The following GABRB1 variants were observed in gnomAD, a reference collection of about 807,000 sequenced individuals.
GABRB1 encodes the protein gamma-aminobutyric acid receptor subunit beta-1.
In GABRB1, 17 loss-of-function variants were observed where a neutral mutation model predicts 51.6. The ratio of observed to expected loss-of-function variants is 0.33; its 90% CI spans 0.23 to 0.49. The LOEUF (loss-of-function observed/expected upper bound fraction) is 0.49, where lower values mean the gene tolerates loss of function less well. Among genes scored for constraint, GABRB1 ranks in the 20% least tolerant of loss-of-function variants. The pLI, the probability that GABRB1 is intolerant of heterozygous loss-of-function variation, is 0.99. For missense variants in GABRB1, 410 were observed against 600.6 expected (o/e 0.68, Z 3.32); for synonymous variants, 247 against 218.9 (o/e 1.13, Z -1.14).
intron 4 of GABRB1, among the ~76,000 whole-genome samples, chr4:47,211,226 C>A (rs571985261): frequency 3.3e-4 from 51 of 152,262 alleles, no homozygotes; most frequent in African/African-American, 1.2e-3. Context: ...TATCTACTCA[C>A]TGTAGCTTAG....
At chr4:47,410,170 T>A (rs1026129566) in intron 8 of GABRB1, among the ~76,000 whole-genome samples, 4 of 152,358 alleles carry the variant, frequency 2.6e-5, no homozygotes, top group Middle Eastern at 3.4e-3. Flanking sequence ...GAGATTTTTT[T>A]AAAATATGTT....
intron 5 of GABRB1, among the ~76,000 whole-genome samples, chr4:47,391,919 C>T (rs888825617): frequency 1.8e-4 from 27 of 151,944 alleles, no homozygotes; most frequent in African/African-American, 6.5e-4. Flanking sequence ...ATAGAGAAGA[C>T]AAAGGGTAGA....
At chr4:47,282,045 C>T (rs946316206) in intron 4 of GABRB1, among the ~76,000 whole-genome samples, 1 of 150,506 alleles carries the variant, frequency 6.6e-6, no homozygotes, top group Non-Finnish European at 1.5e-5. Flanking sequence ...TTAATGTTCT[C>T]ATCATTAAAA....
At chr4:47,169,945 T>C (rs1718369165) in intron 4 of GABRB1, among the ~76,000 whole-genome samples, 1 of 152,166 alleles carries the variant, frequency 6.6e-6, no homozygotes, top group Non-Finnish European at 1.5e-5. Flanking sequence ...ATTATAGAAA[T>C]GAAACTAACT....
chr4:47,039,391 T>C lies in GABRB1; in HGVS notation c.240+6907T>C, dbSNP rs572772241. 5.4e-5 allele frequency among the ~76,000 whole-genome samples: 8 copies of C among 148,054 alleles called. No individual in the cohort carries two copies. The South Asian group carries it at 1.5e-3, about 28-fold the overall frequency. On this transcript the variant is annotated intron_variant, in intron 3 of 8. Transcript: ENST00000295454. ...AAAAAAAAAACCAGGCAACTAGATA[T>C]GGTCTCTGTTCTTGTAGAGCTTATA... is the stretch of plus-strand genomic sequence containing the variant.
intron 4 of GABRB1, among the ~76,000 whole-genome samples, chr4:47,247,741 T>C (rs988835410): frequency 6.6e-6 from 1 of 152,058 alleles, no homozygotes; most frequent in Non-Finnish European, 1.5e-5. Flanking sequence ...GACTCCTTGG[T>C]TAGGTATATT....
chr4:47,269,356 G>A (rs1331017689), intron 4 of GABRB1, among the ~76,000 whole-genome samples: 1 of 152,156 alleles, frequency 6.6e-6, no homozygotes, highest in Non-Finnish European at 1.5e-5. Context: ...CATTGCATTA[G>A]TGCAGAACAG....
At chr4:47,296,552 G>A (rs1208155151) in intron 4 of GABRB1, among the ~76,000 whole-genome samples, 1 of 152,160 alleles carries the variant, frequency 6.6e-6, no homozygotes, top group African/African-American at 2.4e-5. Context: ...TCAACAAGAA[G>A]AGCTAACTAT....
At chr4:47,414,021 T>G (rs904495645) in intron 8 of GABRB1, among the ~76,000 whole-genome samples, 6 of 152,208 alleles carry the variant, frequency 3.9e-5, no homozygotes, top group African/African-American at 1.4e-4. Context: ...TGGAACTTTT[T>G]CAGTTATATA....
intron 4 of GABRB1, among the ~76,000 whole-genome samples, chr4:47,315,319 A>G (rs1724845354): frequency 6.6e-6 from 1 of 152,002 alleles, no homozygotes; most frequent in Non-Finnish European, 1.5e-5. Context: ...TGCATATAAA[A>G]CCACAATGTG....
intron 4 of GABRB1, among the ~76,000 whole-genome samples, chr4:47,310,341 G>A (rs918310464): frequency 3.9e-5 from 6 of 152,138 alleles, no homozygotes; most frequent in Non-Finnish European, 2.9e-5. Context: ...TGAATATGTA[G>A]CTGGATGTTT....
chr4:47,117,850 T>C lies in GABRB1; in HGVS notation c.241-43399T>C, dbSNP rs181450058. Among the ~76,000 whole-genome samples the C allele has an allele frequency of 4.3e-4, 66 of 152,316 alleles. No homozygotes were observed. The East Asian group carries it at 7.7e-3, about 18-fold the overall frequency. ...AATGTACATAGGATTGTTGCGATAATTAAAGACATTTTAAATAAAGTGTCT... is the reference window on the plus strand; with the variant it reads ...AATGTACATAGGATTGTTGCGATAACTAAAGACATTTTAAATAAAGTGTCT... On this transcript the variant is annotated intron_variant, in intron 3 of 8. Coordinates refer to ENST00000295454, the MANE Select transcript of GABRB1 (RefSeq NM_000812.4).
chr4:47,345,686 G>A (rs182506148), intron 5 of GABRB1, among the ~76,000 whole-genome samples: 1 of 152,260 alleles, frequency 6.6e-6, no homozygotes, highest in Non-Finnish European at 1.5e-5. Context: ...AATCCAAAAT[G>A]CTCTAAAATC....
In GABRB1 at chr4:47,354,672, G is replaced by A. The variant is rs149994001; in HGVS notation, c.544+34463G>A. 2.4e-4 allele frequency among the ~76,000 whole-genome samples: 36 copies of A among 152,128 alleles called. No individual in the cohort carries two copies. In the East Asian group the frequency reaches 6.2e-3, roughly 26 times the overall value. On this transcript the variant is annotated intron_variant, in intron 5 of 8. Transcript: ENST00000295454. ...TGTTATTAAGGTGGATCCTTCCCCC[G>A]TAGCTTCCTGAAAGTGGCTGCAGAG...
At chr4:47,128,058 G>C (rs930542694) in intron 3 of GABRB1, among the ~76,000 whole-genome samples, 7 of 151,652 alleles carry the variant, frequency 4.6e-5, no homozygotes, top group Admixed American at 2.0e-4. Context: ...ATATTCCAGT[G>C]AAAAGGCAGA....
intron 3 of GABRB1, among the ~76,000 whole-genome samples, chr4:47,086,398 C>T (rs1223724446): frequency 6.6e-6 from 1 of 151,882 alleles, no homozygotes; most frequent in South Asian, 2.1e-4. Flanking sequence ...AAAATCAACC[C>T]CCCTTTAAAA....
chr4:47,253,865 C>T (rs561186371), intron 4 of GABRB1, among the ~76,000 whole-genome samples: 1 of 152,200 alleles, frequency 6.6e-6, no homozygotes, highest in Non-Finnish European at 1.5e-5. Context: ...AATGAAATTG[C>T]TTTAGTAAAA....
chr4:47,072,219 A>C (rs1727368971), intron 3 of GABRB1, among the ~76,000 whole-genome samples: 1 of 152,198 alleles, frequency 6.6e-6, no homozygotes, highest in Admixed American at 6.5e-5. Context: ...ATTACACTGC[A>C]GTGCTTAGGT....
chr4:47,197,294 T>C (rs1719720162), intron 4 of GABRB1, among the ~76,000 whole-genome samples: 1 of 152,206 alleles, frequency 6.6e-6, no homozygotes, highest in Non-Finnish European at 1.5e-5. Context: ...TTTAAGTCTA[T>C]TTGTTCATGG....
Sources: allele counts gnomAD v4.1 joint callset (sites outside exome capture counted in the v4.1 genomes callset), GRCh38; gene constraint gnomAD v4.1.1; transcripts MANE v1.5; gene names NCBI Gene and HGNC (gene_info 2026-07-23, HGNC 2026-07-21).